Variants in CDKAL1 observed in about 807,000 individuals in gnomAD.
CDKAL1 encodes the protein threonylcarbamoyladenosine tRNA methylthiotransferase.
A neutral mutation model predicts 68.2 loss-of-function variants in CDKAL1; 32 were observed. That is an observed-to-expected ratio of 0.47 (90% CI 0.35 to 0.63). The LOEUF is 0.63. Ranked by LOEUF, CDKAL1 falls within the 30% of genes least tolerant of loss-of-function variation. The pLI, the probability that CDKAL1 is intolerant of heterozygous loss-of-function variation, is 0.00. For synonymous variants in CDKAL1, 234 were observed against 244.3 expected, an observed-to-expected ratio of 0.96 and a Z score of 0.39; for missense variants, 606 against 696.7, an observed-to-expected ratio of 0.87 and a Z score of 1.47.
At chr6:20,662,406 A>T in intron 5 of CDKAL1, among the ~76,000 whole-genome samples, 1 of 152,094 alleles carries the variant, frequency 6.6e-6, no homozygotes, top group East Asian at 1.9e-4. Context: ...ACTTTTACCT[A>T]ACAGCTGTGG....
chr6:21,101,991 C>T (rs557491028), intron 12 of CDKAL1, among the ~76,000 whole-genome samples: 7 of 152,304 alleles, frequency 4.6e-5, no homozygotes, highest in African/African-American at 9.6e-5. Flanking sequence ...CTCATACTGT[C>T]TTCAGCTTCT....
intron 12 of CDKAL1, among the ~76,000 whole-genome samples, chr6:21,094,756 A>G (rs1773233222): frequency 6.6e-6 from 1 of 152,248 alleles, no homozygotes; most frequent in Non-Finnish European, 1.5e-5. Context: ...TACTAATAAA[A>G]TACACAGAGC....
chr6:20,600,345 T>G (rs1766028328), intron 4 of CDKAL1, among the ~76,000 whole-genome samples: 1 of 152,132 alleles, frequency 6.6e-6, no homozygotes, highest in South Asian at 2.1e-4. Context: ...GTTGATTACT[T>G]TTTAGAACAG....
At chr6:21,003,130 G>A (rs373827359) in intron 11 of CDKAL1, among the ~76,000 whole-genome samples, 5 of 151,550 alleles carry the variant, frequency 3.3e-5, no homozygotes, top group African/African-American at 9.7e-5. Context: ...GCCATTTAGC[G>A]AAAAAGAGTT....
chr6:21,063,130 G>T (rs1344395785), intron 11 of CDKAL1, among the ~76,000 whole-genome samples: 1 of 152,104 alleles, frequency 6.6e-6, no homozygotes. Flanking sequence ...GGCCAGGCTG[G>T]TCTCGAACTC....
intron 5 of CDKAL1, among the ~76,000 whole-genome samples, chr6:20,733,865 C>T (rs1000602843): frequency 6.6e-6 from 1 of 151,884 alleles, no homozygotes; most frequent in Non-Finnish European, 1.5e-5. Context: ...AGATTTTGTA[C>T]AGGCCGGGCA....
chr6:20,549,195 T>C (rs2127655927), intron 4 of CDKAL1, among the ~76,000 whole-genome samples: 1 of 152,336 alleles, frequency 6.6e-6, no homozygotes, highest in South Asian at 2.1e-4. Context: ...CCTTGACACT[T>C]CTGAAGAAAA....
chr6:21,186,286 C>T (rs867852837), intron 13 of CDKAL1, among the ~76,000 whole-genome samples: 3 of 151,780 alleles, frequency 2.0e-5, no homozygotes, highest in South Asian at 2.1e-4. Context: ...GTGTACTGCA[C>T]GTGTTATTTA....
At chr6:20,750,613 C>A (rs1773873566) in intron 6 of CDKAL1, among the ~76,000 whole-genome samples, 1 of 152,104 alleles carries the variant, frequency 6.6e-6, no homozygotes, top group African/African-American at 2.4e-5. Context: ...TACTAGGAAT[C>A]ATTGGCAAAA....
At chr6:21,145,116 G>C (rs578075057) in intron 13 of CDKAL1, among the ~76,000 whole-genome samples, 2 of 152,124 alleles carry the variant, frequency 1.3e-5, no homozygotes, top group Non-Finnish European at 2.9e-5. Flanking sequence ...GTGGCATGGA[G>C]CTCATTTGCA....
At chr6:21,131,922 G>A (rs9460598) in intron 13 of CDKAL1, among the ~76,000 whole-genome samples, 38,198 of 151,936 alleles carry the variant, frequency 0.25, 4,907 homozygotes, top group South Asian at 0.35. Context: ...TAAGGCATCA[G>A]TAAGACTTTA....
chr6:21,136,951 G>C (rs1450635840), intron 13 of CDKAL1, among the ~76,000 whole-genome samples: 2 of 152,020 alleles, frequency 1.3e-5, no homozygotes, highest in Non-Finnish European at 2.9e-5. Context: ...ATAAATTATT[G>C]TCCTCTGCTC....
intron 13 of CDKAL1, among the ~76,000 whole-genome samples, chr6:21,181,703 G>T (rs1339334577): frequency 2.0e-5 from 3 of 152,120 alleles, no homozygotes; most frequent in African/African-American, 7.2e-5. Context: ...TCAGTATTTT[G>T]ATATTAACAG....
rs115924807 is a variant in CDKAL1, at chr6:20,624,979, C to T, written c.287-24314C>T. Among the ~76,000 whole-genome samples the T allele has an allele frequency of 7.8e-3, 1,185 of 152,148 alleles. 21 individuals carry two copies. The highest frequency in any genetic ancestry group is 0.027 in the African/African-American group (1,124 of 41,524). On this transcript the variant is annotated intron_variant, in intron 4 of 15. Transcript: ENST00000274695. ...TGTGGTTTAGGAAATATACTCACCT[C>T]CTCTCTTCATCTGTTTTCTGAGTCC...
intron 9 of CDKAL1, among the ~76,000 whole-genome samples, chr6:20,909,471 C>CTAGTTACATCTAAGCTATTATTGCTTA (rs1762372748): frequency 6.6e-6 from 1 of 152,184 alleles, no homozygotes; most frequent in African/African-American, 2.4e-5. Flanking sequence ...TAAAAGGCCG[C>CTAGTTACATCTAAGCTATTATTGCTTA]TAGTTACATC....
At chr6:21,197,102 G>C (rs185529632) in intron 13 of CDKAL1, among the ~76,000 whole-genome samples, 1 of 150,954 alleles carries the variant, frequency 6.6e-6, no homozygotes, top group Non-Finnish European at 1.5e-5. Flanking sequence ...AATTTGCAGT[G>C]AGCCAAGATC....
At chr6:20,912,915 A>G (rs866680384) in intron 9 of CDKAL1, among the ~76,000 whole-genome samples, 1 of 152,098 alleles carries the variant, frequency 6.6e-6, no homozygotes, top group Non-Finnish European at 1.5e-5. Flanking sequence ...TAGCTATCCA[A>G]TATGTACATA....
intron 13 of CDKAL1, among the ~76,000 whole-genome samples, chr6:21,111,484 C>T (rs939947729): frequency 2.0e-5 from 3 of 152,098 alleles, no homozygotes; most frequent in Admixed American, 2.0e-4. Flanking sequence ...TCTTTCCTTC[C>T]CCCAACCAAG....
chr6:20,672,632 G>A (rs1769901648), intron 5 of CDKAL1, among the ~76,000 whole-genome samples: 1 of 152,116 alleles, frequency 6.6e-6, no homozygotes, highest in African/African-American at 2.4e-5. Flanking sequence ...TGGGATTACA[G>A]GTGTGAGCTA....
Sources: gnomAD v4.1 joint callset for allele counts (sites outside exome capture counted in the v4.1 genomes callset) on GRCh38, gnomAD v4.1.1 for gene constraint, MANE v1.5 for transcripts, NCBI Gene and HGNC (gene_info 2026-07-23, HGNC 2026-07-21) for gene names.